Variants in CROCC2 observed in about 807,000 individuals in gnomAD.
The protein encoded by CROCC2 is ciliary rootlet coiled-coil protein 2.
In CROCC2, 163 loss-of-function variants were observed where a neutral mutation model predicts 177.6. The ratio of observed to expected loss-of-function variants is 0.92; its 90% CI spans 0.81 to 1.05. The LOEUF is 1.05. CROCC2 is among the 50% of genes least tolerant of loss of function. The probability of loss-of-function intolerance (pLI) is 0.00; values close to 1 mark genes in which losing one functional copy is unlikely to be tolerated. For synonymous variants in CROCC2, 904 were observed against 787.3 expected, an observed-to-expected ratio of 1.15 and a Z score of -2.48; for missense variants, 1,929 against 1,797.8, an observed-to-expected ratio of 1.07 and a Z score of -1.32.
At chr2:240,934,197 C>T in intron 11 of CROCC2, 134 bp from the exon 12 acceptor site, 1 of 991,974 alleles carries the variant, frequency 1.0e-6, no homozygotes, top group Non-Finnish European at 1.4e-6. Context: ...CCTTCCTGGT[C>T]CTCCAGGGAC....
At chr2:240,984,138 G>A (rs944237461) in intron 28 of CROCC2, among the ~76,000 whole-genome samples, 2 of 152,166 alleles carry the variant, frequency 1.3e-5, no homozygotes, top group East Asian at 3.9e-4. Flanking sequence ...TGCAAGACAG[G>A]GTTTCCAAGC....
rs780862750 is a variant in CROCC2 at position 240,964,632 on chromosome 2, C to T, written c.3465+7C>T. 64 of 1,547,354 alleles carry T rather than the reference C, an allele frequency of 4.1e-5. No individual in the cohort carries two copies. Among genetic ancestry groups the T allele is most frequent in the Admixed American group, 7.9e-5 (4 of 50,910 alleles). On this transcript the variant is annotated splice_region_variant and intron_variant, in intron 22 of 31. Coordinates refer to ENST00000690015, the MANE Select transcript of CROCC2 (RefSeq NM_001351305.2). ...CCGGGAACTCCACAGACAGGTAGGG[C>T]GGCAGGGAGGGGTCAACATCCAACC...
rs1559606254 is a variant in CROCC2 at position 240,961,817 on chromosome 2, T to TCACATA, written c.3088-1735_3088-1734insTACACA. Among the ~76,000 whole-genome samples, 197 of 61,122 alleles carry TCACATA rather than the reference T, an allele frequency of 3.2e-3. 31 individuals carry two copies. Among genetic ancestry groups the TCACATA allele is most frequent in the Middle Eastern group, 0.013 (1 of 80 alleles). 40.1% of individuals were successfully genotyped at this position (61,122 alleles called of 152,430 possible). ...CACTCACACATACACTCACATACAC[T>TCACATA]CACACACACGCACGCACACATACAC... On this transcript the variant is annotated intron_variant, in intron 20 of 31. Coordinates refer to ENST00000690015, the MANE Select transcript of CROCC2 (RefSeq NM_001351305.2).
rs1160235070 is a variant in CROCC2 at position 240,972,003 on chromosome 2, C to A, written c.4401+3741C>A. ...CTGCCCTGTCCTCACCTTGAGAACA[C>A]TAGTTACCATCTTCTGGTGTGTGTC... On this transcript the variant is annotated intron_variant, in intron 27 of 31. Transcript: ENST00000690015. This position sits in a 1 kb window ranked among gnomAD's most constrained non-coding sequence, Gnocchi z 7.1. Among the ~76,000 whole-genome samples, 1 of 152,176 alleles carries A rather than the reference C, an allele frequency of 6.6e-6. No individual in the cohort carries two copies. Among genetic ancestry groups the A allele is most frequent in the East Asian group, 1.9e-4 (1 of 5,194 alleles).
At chr2:240,983,535 G>A (rs1392683314) in intron 28 of CROCC2, 1 of 1,267,466 alleles carries the variant, frequency 7.9e-7, no homozygotes, top group Admixed American at 2.4e-5. Context: ...GAGCGGGCGC[G>A]TCTGCAGGGG....
rs1040814828 is a variant in CROCC2 at position 240,972,922 on chromosome 2, G to C, written c.4401+4660G>C. Among the ~76,000 whole-genome samples the C allele has an allele frequency of 1.3e-5, 2 of 152,066 alleles. No individual in the cohort carries two copies. Among genetic ancestry groups the C allele is most frequent in the Non-Finnish European group, 2.9e-5 (2 of 68,028 alleles). ...TTGACACACAGCAAACCCAGGCAGA[G>C]AGCTCAGGGTTGAAATTTTCTAGCC... is the stretch of plus-strand genomic sequence containing the variant. On this transcript the variant is annotated intron_variant, in intron 27 of 31. Transcript: ENST00000690015. This position sits in a 1 kb window ranked among gnomAD's most constrained non-coding sequence, Gnocchi z 7.1.
At chr2:240,984,008 A>G (rs905131459) in intron 28 of CROCC2, among the ~76,000 whole-genome samples, 26 of 152,146 alleles carry the variant, frequency 1.7e-4, no homozygotes, top group African/African-American at 5.8e-4. Context: ...TCACAAGGAT[A>G]GTGGCCCCTG....
In CROCC2 at chr2:240,939,358, G is replaced by C. The variant is rs550887089; in HGVS notation, c.2169+3770G>C. On this transcript the variant is annotated intron_variant, in intron 14 of 31. Coordinates refer to ENST00000690015, the MANE Select transcript of CROCC2 (RefSeq NM_001351305.2). ...CATACATAATAAGCCCTACTTTGTC[G>C]TGAGTTAGTATCCATTTTATATATT... Among the ~76,000 whole-genome samples the C allele has an allele frequency of 2.6e-5, 4 of 152,046 alleles. No individual in the cohort carries two copies. In the South Asian group the frequency reaches 8.3e-4, roughly 32 times the overall value.
At chr2:240,920,575 C>T (rs374124635) in intron 3 of CROCC2, among the ~76,000 whole-genome samples, 1 of 152,200 alleles carries the variant, frequency 6.6e-6, no homozygotes, top group Admixed American at 6.5e-5. Flanking sequence ...AGATGGAGCT[C>T]GCAGAGAAAT....
intron 1 of CROCC2, among the ~76,000 whole-genome samples, chr2:240,916,369 T>TCCGGCTCCAG (rs2059320133): frequency 8.9e-5 from 1 of 11,296 alleles, no homozygotes; most frequent in African/African-American, 2.6e-4. Context: ...TGCGCCCCCC[T>TCCGGCTCCAG]CTGCGTCCCC....
At chr2:240,967,680 A>G (rs372918542) in intron 26 of CROCC2, 1 of 697,372 alleles carries the variant, frequency 1.4e-6, no homozygotes. Flanking sequence ...CAGAGGAGTG[A>G]CGTCCACAGG....
intron 1 of CROCC2, among the ~76,000 whole-genome samples, chr2:240,910,507 A>T (rs2059280656): frequency 6.6e-6 from 1 of 152,156 alleles, no homozygotes; most frequent in African/African-American, 2.4e-5. Context: ...TGTCTGCAGG[A>T]TCCGTGGGGT....
Position 240,968,237 on chromosome 2 carries a change from C to G in CROCC2, c.4376C>G (p.Ala1459Gly). The G allele has an allele frequency of 2.0e-6, 3 of 1,532,490 alleles. No individual in the cohort carries two copies. Among genetic ancestry groups the G allele is most frequent in the Non-Finnish European group, 2.6e-6 (3 of 1,145,152 alleles). The allele number at this position is 1,532,490 out of a possible 1,614,324, so 94.9% of individuals were successfully genotyped here. ...ELEHLASVRA[A>G]GQEKRRLQEQ... ...GAGCACCTGGCGAGCGTGCGTGCGGCAGGCCAGGAGAAGCGGCGGCTGCAG... is the reference window on the plus strand; with the variant it reads ...GAGCACCTGGCGAGCGTGCGTGCGGGAGGCCAGGAGAAGCGGCGGCTGCAG... The change falls in exon 27 of 32, where the codon GCA becomes GGA. Residue 1459 changes from alanine to glycine, a missense_variant. Ala to Gly is a moderately conservative substitution (Grantham distance 60). This residue lies in a region of CROCC2 where 388 missense variants were observed against 352.7 expected (regional missense o/e 1.10). Transcript: ENST00000690015.
chr2:240,974,347 CT>C (rs57051056), intron 27 of CROCC2, among the ~76,000 whole-genome samples: 56,129 of 126,772 alleles, frequency 0.44, 10,879 homozygotes, highest in East Asian at 0.57. Context: ...TTTTAGTTTA[CT>C]TTTTTTTTTT....
At chr2:240,933,951 C>A in intron 11 of CROCC2, 99 bp downstream of exon 11, 1 of 1,294,214 alleles carries the variant, frequency 7.7e-7, no homozygotes, top group Non-Finnish European at 1.0e-6. Context: ...TCTGCTTTTT[C>A]ACCTGTCTCA....
At chr2:240,937,521 T>A (rs1040215857) in intron 14 of CROCC2, among the ~76,000 whole-genome samples, 5 of 152,232 alleles carry the variant, frequency 3.3e-5, no homozygotes, top group Non-Finnish European at 7.3e-5. Context: ...AATTTTAACT[T>A]TGGCAAACTC....
intron 25 of CROCC2, 26 bp downstream of exon 25, chr2:240,966,435 C>A (rs1167200166): frequency 7.5e-6 from 3 of 400,070 alleles, no homozygotes; most frequent in Non-Finnish European, 1.3e-5. Flanking sequence ...GTCCTCCCGC[C>A]CACGGCGGCA....
At chr2:240,911,146 A>C (rs2059285727) in intron 1 of CROCC2, among the ~76,000 whole-genome samples, 1 of 152,144 alleles carries the variant, frequency 6.6e-6, no homozygotes, top group African/African-American at 2.4e-5. Flanking sequence ...AAATAAAATA[A>C]ATTTTTAAAA....
intron 7 of CROCC2, 45 bp downstream of exon 7, chr2:240,931,173 G>A (rs948720471): frequency 4.5e-6 from 3 of 671,662 alleles, no homozygotes; most frequent in Non-Finnish European, 8.3e-6. Context: ...GGGCCCGGGG[G>A]GTCGGGGCCC....
Sources: gnomAD v4.1 joint callset for allele counts (sites outside exome capture counted in the v4.1 genomes callset) on GRCh38, gnomAD v4.1.1 for gene constraint, gnomAD v4.1.1 regional missense constraint, Gnocchi (gnomAD v3.1) non-coding constraint, MANE v1.5 for transcripts, NCBI Gene and HGNC (gene_info 2026-07-23, HGNC 2026-07-21) for gene names.